Variants in VEZT observed in about 807,000 individuals in gnomAD.
VEZT encodes the protein vezatin, adherens junctions transmembrane protein.
In VEZT, 39 loss-of-function variants were observed where a neutral mutation model predicts 79.9. The observed-to-expected ratio is 0.49, with a 90% CI of 0.38 to 0.64. The LOEUF (loss-of-function observed/expected upper bound fraction) is 0.64. Ranked by LOEUF, VEZT falls within the 30% of genes least tolerant of loss-of-function variation. The pLI, the probability that VEZT is intolerant of heterozygous loss-of-function variation, is 0.00. For missense variants in VEZT, 837 were observed against 893.1 expected (o/e 0.94, Z 0.80); for synonymous variants, 325 against 327.6 (o/e 0.99, Z 0.09).
chr12:95,256,598 C>T, intron 2 of VEZT: 1 of 1,289,680 alleles, frequency 7.8e-7, no homozygotes, highest in African/African-American at 1.5e-5. Context: ...CACTTACTGG[C>T]ATGCTCAAGG....
At chr12:95,263,168 G>A in intron 4 of VEZT, 87 bp downstream of exon 4, 2 of 1,185,710 alleles carry the variant, frequency 1.7e-6, no homozygotes, top group Non-Finnish European at 1.1e-6. Flanking sequence ...CCATTGTAAA[G>A]GCATAAACAT....
At chr12:95,297,653 G>T (rs2074441739) in intron 11 of VEZT, among the ~76,000 whole-genome samples, 1 of 151,994 alleles carries the variant, frequency 6.6e-6, no homozygotes, top group Non-Finnish European at 1.5e-5. Context: ...AACCTATAGT[G>T]GTTTCTCCCT....
At chr12:95,264,130 T>C (rs1366664443) in intron 4 of VEZT, among the ~76,000 whole-genome samples, 2 of 152,220 alleles carry the variant, frequency 1.3e-5, no homozygotes, top group Non-Finnish European at 2.9e-5. Context: ...TCTGTATTTA[T>C]GTCTTCCCTG....
rs146590458 is a variant in VEZT, at chr12:95,300,836, T to TA, written c.*164dup. On this transcript the variant is annotated 3_prime_UTR_variant, in exon 12 of 12. Transcript: ENST00000436874. ...GAATAACTGATCTGAAATTAGTAGT[T>TA]ACCTGTAAATGGCAGATCTTTTAGG... The TA allele has an allele frequency of 1.2e-4, 109 of 916,160 alleles. No individual in the cohort carries two copies. In the African/African-American group the frequency reaches 1.7e-3, roughly 15 times the overall value. 56.8% of individuals were successfully genotyped at this position (916,160 alleles called of 1,614,324 possible).
chr12:95,249,733 T>C (rs1456506419), intron 1 of VEZT, among the ~76,000 whole-genome samples: 2 of 152,166 alleles, frequency 1.3e-5, no homozygotes, highest in Non-Finnish European at 2.9e-5. Context: ...CCAAATACTT[T>C]CCTGACATTG....
intron 3 of VEZT, 88 bp downstream of exon 3, chr12:95,257,327 T>G: frequency 9.4e-7 from 1 of 1,059,256 alleles, no homozygotes; most frequent in Non-Finnish European, 1.4e-6. Context: ...TGCTATCAAT[T>G]TGGCCAGCAA....
intron 1 of VEZT, among the ~76,000 whole-genome samples, chr12:95,250,159 C>T (rs1004543433): frequency 4.0e-5 from 6 of 149,328 alleles, no homozygotes; most frequent in Admixed American, 3.3e-4. Context: ...TGGTGTGCTG[C>T]ACCCATTAAC....
intron 1 of VEZT, among the ~76,000 whole-genome samples, chr12:95,239,294 C>G (rs2060580690): frequency 6.6e-6 from 1 of 152,166 alleles, no homozygotes; most frequent in African/African-American, 2.4e-5. Context: ...GTTAACTTTT[C>G]TTGTATATCC....
chr12:95,240,970 A>T lies in VEZT; in HGVS notation c.37-10970A>T, dbSNP rs1170714050. On this transcript the variant is annotated intron_variant, in intron 1 of 11. Coordinates refer to ENST00000436874, the MANE Select transcript of VEZT (RefSeq NM_017599.4). The stretch of plus-strand genomic sequence containing the variant: ...ATATAGGATGTTGAGCAGCATCCCG[A>T]TCTCTACACACTAGATACCAGTAGC... Among the ~76,000 whole-genome samples the T allele has an allele frequency of 2.0e-5, 3 of 152,004 alleles. No individual in the cohort carries two copies. The East Asian group carries it at 5.8e-4, about 29-fold the overall frequency.
chr12:95,293,115 G>A (rs2073355576), intron 9 of VEZT, among the ~76,000 whole-genome samples: 1 of 152,150 alleles, frequency 6.6e-6, no homozygotes, highest in Non-Finnish European at 1.5e-5. Flanking sequence ...CTCCCAAAGT[G>A]CTAGGATTAC....
chr12:95,266,741 G>C (rs187017243), intron 5 of VEZT, 109 bp downstream of exon 5: 1 of 1,185,182 alleles, frequency 8.4e-7, no homozygotes, highest in Non-Finnish European at 1.1e-6. Context: ...AAAAAAAAGT[G>C]CTTTTCTCTT....
At position 95,262,967 on chromosome 12, in the gene VEZT, A is replaced by G; in HGVS notation, c.320A>G (p.Glu107Gly). Residue 107 changes from glutamate to glycine, a missense_variant, in exon 4 of 12, where the codon GAG becomes GGG. By Grantham distance (98) the Glu-to-Gly change is moderately conservative. Coordinates refer to ENST00000436874, the MANE Select transcript of VEZT (RefSeq NM_017599.4). ...CTGCAACAGGAAGTCCTGTTACAAG[A>G]GGATGTGGAGCTGATTGAGCTACTT... Reference protein sequence around the residue: ...TILQQEVLLQEDVELIELLDP... With the variant: ...TILQQEVLLQGDVELIELLDP... The G allele has an allele frequency of 6.2e-7, 1 of 1,612,948 alleles. No homozygotes were observed. The highest frequency in any genetic ancestry group is 1.1e-5 in the South Asian group (1 of 90,978).
chr12:95,247,201 C>T (rs949738959), intron 1 of VEZT, among the ~76,000 whole-genome samples: 1 of 152,288 alleles, frequency 6.6e-6, no homozygotes, highest in East Asian at 1.9e-4. Context: ...GCATATTCTA[C>T]GTTAACATTT....
At chr12:95,267,074 G>T (rs2065678536) in intron 5 of VEZT, among the ~76,000 whole-genome samples, 1 of 152,082 alleles carries the variant, frequency 6.6e-6, no homozygotes, top group Admixed American at 6.6e-5. Flanking sequence ...GTAAATATTA[G>T]CAGATATTAT....
chr12:95,246,958 T>C (rs1017523134), intron 1 of VEZT, among the ~76,000 whole-genome samples: 5 of 152,194 alleles, frequency 3.3e-5, no homozygotes, highest in African/African-American at 9.6e-5. Flanking sequence ...ATCTAATACT[T>C]TATGAAAAAT....
intron 7 of VEZT, among the ~76,000 whole-genome samples, chr12:95,276,259 C>CT (rs35034660): frequency 0.027 from 2,033 of 75,144 alleles, 93 homozygotes; most frequent in Non-Finnish European, 0.034. Context: ...TAATTTTTTT[C>CT]TTTTTTTTTT....
At chr12:95,266,757 C>A in intron 5 of VEZT, 125 bp downstream of exon 5, 7 of 863,328 alleles carry the variant, frequency 8.1e-6, no homozygotes, top group South Asian at 4.0e-5. Context: ...CTCTTTAGTA[C>A]TTACTAAAGT....
At chr12:95,223,075 C>G (rs2057866375) in intron 1 of VEZT, among the ~76,000 whole-genome samples, 1 of 152,134 alleles carries the variant, frequency 6.6e-6, no homozygotes, top group Non-Finnish European at 1.5e-5. Flanking sequence ...CCTAAGAAAT[C>G]CTAGGTCAGC....
intron 11 of VEZT, chr12:95,299,553 G>T (rs1009494136): frequency 1.6e-4 from 24 of 152,044 alleles, no homozygotes; most frequent in Admixed American, 1.6e-3. Flanking sequence ...GGTCTTGTTA[G>T]GTGGTTGGCA....
Sources: allele counts gnomAD v4.1 joint callset (sites outside exome capture counted in the v4.1 genomes callset), GRCh38; gene constraint gnomAD v4.1.1; transcripts MANE v1.5; gene names NCBI Gene and HGNC (gene_info 2026-07-23, HGNC 2026-07-21).